The following PHACTR1 variants were observed in gnomAD, a reference collection of about 807,000 sequenced individuals.
PHACTR1 encodes phosphatase and actin regulator 1.
Under a neutral mutation model 69.2 loss-of-function variants are expected in PHACTR1, and 16 were observed. The observed-to-expected ratio is 0.23, with a 90% CI of 0.16 to 0.35. PHACTR1 has a LOEUF of 0.35. Ranked by LOEUF, PHACTR1 falls within the 10% of genes least tolerant of loss-of-function variation. PHACTR1 has a pLI of 1.00. For missense variants in PHACTR1, 510 were observed against 734.7 expected (o/e 0.69, Z 3.54); for synonymous variants, 312 against 284.5 (o/e 1.10, Z -0.97).
chr6:13,277,085 A>G (rs1043472951), intron 11 of PHACTR1, among the ~76,000 whole-genome samples: 4 of 152,212 alleles, frequency 2.6e-5, no homozygotes, highest in Non-Finnish European at 5.9e-5. Flanking sequence ...TGCTACGCTG[A>G]TATCTGTGCT....
Position 12,899,959 on chromosome 6 carries a change from C to T in PHACTR1, c.250+150169C>T, listed in dbSNP as rs180882273. On this transcript the variant is annotated intron_variant, in intron 4 of 14. Coordinates refer to ENST00000332995, the MANE Select transcript of PHACTR1 (RefSeq NM_030948.6). ...GGGGACACAGCTTGCCCCCTTACAC[C>T]ACCAGTGGCCCCTGCCCTGGCAGCC... 1.7e-4 allele frequency among the ~76,000 whole-genome samples: 26 copies of T among 152,304 alleles called. No individual in the cohort carries two copies. In the East Asian group the frequency reaches 4.8e-3, roughly 28 times the overall value.
At chr6:13,147,009 G>A (rs976409054) in intron 5 of PHACTR1, among the ~76,000 whole-genome samples, 5 of 152,180 alleles carry the variant, frequency 3.3e-5, no homozygotes, top group Non-Finnish European at 7.3e-5. Context: ...TTCATCACAT[G>A]ACATTCTCTT....
intron 4 of PHACTR1, among the ~76,000 whole-genome samples, chr6:12,962,839 T>C (rs1792923854): frequency 6.6e-6 from 1 of 152,198 alleles, no homozygotes; most frequent in South Asian, 2.1e-4. Flanking sequence ...ATTGATCCTG[T>C]CATCCAGGTT....
intron 4 of PHACTR1, among the ~76,000 whole-genome samples, chr6:12,858,337 C>G (rs553889657): frequency 3.2e-4 from 49 of 152,316 alleles, no homozygotes; most frequent in African/African-American, 1.0e-3. Context: ...ATGTACAAAT[C>G]ATAAAACCAA....
chr6:13,144,391 G>T (rs537977173), intron 5 of PHACTR1, among the ~76,000 whole-genome samples: 2 of 152,130 alleles, frequency 1.3e-5, no homozygotes, highest in South Asian at 4.2e-4. Flanking sequence ...AAAATAAATT[G>T]TATTGCTATA....
In PHACTR1 at chr6:13,209,430, A is replaced by G. The variant is rs376483325; in HGVS notation, c.986+3294A>G. On this transcript the variant is annotated intron_variant, in intron 8 of 14. Transcript: ENST00000332995. ...GAGAGGCATTACCAAACACTCAGGC[A>G]TCCTGCCTTTAAAGTTCCTTGGACC... 4.3e-4 allele frequency among the ~76,000 whole-genome samples: 65 copies of G among 152,352 alleles called. 1 individual carries two copies. In the South Asian group the frequency reaches 0.012, roughly 28 times the overall value.
intron 10 of PHACTR1, among the ~76,000 whole-genome samples, chr6:13,268,192 G>C (rs940583654): frequency 1.5e-4 from 23 of 152,174 alleles, no homozygotes; most frequent in Non-Finnish European, 2.6e-4. Context: ...GCTTGAACCT[G>C]GGAGGTGGAG....
chr6:13,205,977 A>C lies in PHACTR1; in HGVS notation c.827A>C (p.His276Pro), dbSNP rs899506426. ...SGQQGVAQHH[H>P]TVLPSQIQHQ... ...CAGCAGGGTGTGGCCCAGCACCACC[A>C]CACTGTCCTGCCCTCCCAGATCCAG... is the stretch of plus-strand genomic sequence containing the variant. The change falls in exon 8 of 15, where the codon CAC (histidine) becomes CCC (proline). Residue 276 changes from histidine to proline, a missense_variant. His to Pro is a moderately conservative substitution (Grantham distance 77). This residue lies in a region of PHACTR1 where 419 missense variants were observed against 530.9 expected (regional missense o/e 0.79). Coordinates refer to ENST00000332995, the MANE Select transcript of PHACTR1 (RefSeq NM_030948.6). 10 of 1,613,874 alleles carry C rather than the reference A, an allele frequency of 6.2e-6. No homozygotes were observed. The highest frequency in any genetic ancestry group is 5.0e-5 in the Admixed American group (3 of 60,010).
In PHACTR1 at chr6:12,810,323, GTTGTTTGT is replaced by G. The variant is rs3036465; in HGVS notation, c.250+60556_250+60563del. Among the ~76,000 whole-genome samples, 491 of 151,994 alleles carry G rather than the reference GTTGTTTGT, an allele frequency of 3.2e-3. 2 individuals carry two copies. The highest frequency in any genetic ancestry group is 8.9e-3 in the African/African-American group (370 of 41,396). On this transcript the variant is annotated intron_variant, in intron 4 of 14. Transcript: ENST00000332995. ...TTTCTGCATTGTGGTTGGTTGGTTT[GTTGTTTGT>G]TTGTTTGTTTGTTTGTTTGTTTTTG...
At chr6:13,280,839 C>G in intron 12 of PHACTR1, 1 of 651,760 alleles carries the variant, frequency 1.5e-6, no homozygotes, top group Non-Finnish European at 2.3e-6. Flanking sequence ...CAAGGAAGGA[C>G]TTCAGGTTCC....
intron 4 of PHACTR1, among the ~76,000 whole-genome samples, chr6:12,751,373 A>G (rs565901440): frequency 1.2e-4 from 19 of 152,206 alleles, no homozygotes; most frequent in Non-Finnish European, 2.4e-4. Flanking sequence ...TCTATGTTTC[A>G]GATTCAGCGT....
At chr6:12,830,538 C>G (rs1212815383) in intron 4 of PHACTR1, among the ~76,000 whole-genome samples, 1 of 151,484 alleles carries the variant, frequency 6.6e-6, no homozygotes, top group East Asian at 1.9e-4. Context: ...GCAGGATATA[C>G]TAACTGAAGA....
At chr6:12,866,621 G>C (rs532079626) in intron 4 of PHACTR1, among the ~76,000 whole-genome samples, 40 of 152,082 alleles carry the variant, frequency 2.6e-4, no homozygotes, top group South Asian at 1.5e-3. Context: ...GGCTGATTTG[G>C]GGTAATTGAG....
At chr6:12,821,480 AAAAAGAGAG>A (rs1328856306) in intron 4 of PHACTR1, among the ~76,000 whole-genome samples, 28 of 83,702 alleles carry the variant, frequency 3.3e-4, no homozygotes, top group African/African-American at 7.4e-4. Flanking sequence ...AAAAAAAAAA[AAAAAGAGAG>A]AGAGAGAGAG....
chr6:13,255,603 A>T (rs1446736760), intron 10 of PHACTR1, among the ~76,000 whole-genome samples: 12 of 152,220 alleles, frequency 7.9e-5, no homozygotes, highest in Admixed American at 6.5e-4. Context: ...CATTGGGTAA[A>T]TACTTCCATT....
chr6:12,887,742 C>T lies in PHACTR1; in HGVS notation c.250+137952C>T, dbSNP rs189498989. On this transcript the variant is annotated intron_variant, in intron 4 of 14. Transcript: ENST00000332995. The stretch of plus-strand genomic sequence containing the variant: ...AGCATATTGTTATGGTCTGAATGTC[C>T]CCCAAAGTTATGGGTTGAAACTTAA... 6.1e-3 allele frequency among the ~76,000 whole-genome samples: 934 copies of T among 152,090 alleles called. 8 individuals carry two copies. Among genetic ancestry groups the T allele is most frequent in the African/African-American group, 0.021 (877 of 41,478 alleles).
chr6:13,262,209 G>A (rs1223829523), intron 10 of PHACTR1, among the ~76,000 whole-genome samples: 1 of 152,206 alleles, frequency 6.6e-6, no homozygotes, highest in Non-Finnish European at 1.5e-5. Flanking sequence ...CTTGGTGGTT[G>A]ATTGGCCATC....
At chr6:13,023,950 G>C (rs1207692323) in intron 4 of PHACTR1, among the ~76,000 whole-genome samples, 2 of 152,112 alleles carry the variant, frequency 1.3e-5, no homozygotes, top group Non-Finnish European at 2.9e-5. Context: ...GGTGGCACTT[G>C]CCTATAATTC....
In PHACTR1 at chr6:12,887,079, G is replaced by A. The variant is rs1473163970; in HGVS notation, c.250+137289G>A. On this transcript the variant is annotated intron_variant, in intron 4 of 14. Transcript: ENST00000332995. ...CTCCTTTTCTTTTTAATGAGCTGGA[G>A]ACTTTCCCAGCCAGCCATGTGCTGT... is the stretch of plus-strand genomic sequence containing the variant. Among the ~76,000 whole-genome samples the A allele has an allele frequency of 3.3e-5, 5 of 151,940 alleles. No individual in the cohort carries two copies. The East Asian group carries it at 5.8e-4, about 18-fold the overall frequency.
Sources: allele counts gnomAD v4.1 joint callset (sites outside exome capture counted in the v4.1 genomes callset), GRCh38; gene constraint gnomAD v4.1.1; regional missense constraint gnomAD v4.1.1; transcripts MANE v1.5; gene names NCBI Gene and HGNC (gene_info 2026-07-23, HGNC 2026-07-21).